The following TRANK1 variants were observed in gnomAD, a reference collection of about 807,000 sequenced individuals.
TRANK1 encodes the protein TPR and ankyrin repeat-containing protein 1.
In TRANK1, 198 loss-of-function variants were observed where a neutral mutation model predicts 266.0. The ratio of observed to expected loss-of-function variants is 0.74; its 90% CI spans 0.66 to 0.84. The LOEUF (loss-of-function observed/expected upper bound fraction) is 0.84. Ranked by LOEUF, TRANK1 falls within the 40% of genes least tolerant of loss-of-function variation. The probability of loss-of-function intolerance (pLI) is 0.00; values close to 1 mark genes in which losing one functional copy is unlikely to be tolerated. For missense variants in TRANK1, 3,326 were observed against 3,634.6 expected, an observed-to-expected ratio of 0.92 and a Z score of 2.18; for synonymous variants, 1,396 against 1,384.1, an observed-to-expected ratio of 1.01 and a Z score of -0.19.
intron 10 of TRANK1, among the ~76,000 whole-genome samples, chr3:36,861,852 C>T (rs902364613): frequency 1.3e-5 from 2 of 151,766 alleles, no homozygotes; most frequent in African/African-American, 2.4e-5. Context: ...ACTACAGGCG[C>T]CCGCCACAAC....
At chr3:36,883,567 A>T (rs939114173) in intron 8 of TRANK1, among the ~76,000 whole-genome samples, 4 of 151,842 alleles carry the variant, frequency 2.6e-5, no homozygotes, top group Admixed American at 6.6e-5. Flanking sequence ...AGAAAATAGC[A>T]TGTGTGTGTT....
intron 1 of TRANK1, among the ~76,000 whole-genome samples, chr3:36,923,067 C>T (rs1476703317): frequency 6.6e-6 from 1 of 152,142 alleles, no homozygotes; most frequent in Non-Finnish European, 1.5e-5. Context: ...CTCACTGCAA[C>T]CTTAGTGTTT....
At chr3:36,884,827 T>C (rs947541864) in intron 8 of TRANK1, among the ~76,000 whole-genome samples, 1 of 150,738 alleles carries the variant, frequency 6.6e-6, no homozygotes, top group Admixed American at 6.6e-5. Flanking sequence ...CAGCTACTCA[T>C]GAGGCTGAGG....
At chr3:36,933,157 C>T (rs1232639995) in intron 1 of TRANK1, among the ~76,000 whole-genome samples, 3 of 152,174 alleles carry the variant, frequency 2.0e-5, no homozygotes, top group Non-Finnish European at 4.4e-5. Flanking sequence ...CTTCCCCTTT[C>T]CCCTCTCTCC....
intron 8 of TRANK1, chr3:36,880,299 T>A: frequency 2.5e-6 from 1 of 400,818 alleles, no homozygotes; most frequent in Non-Finnish European, 5.3e-6. Context: ...ATTTGAGTCT[T>A]TCCACCTCAT....
chr3:36,911,016 G>T (rs978716362), intron 1 of TRANK1, among the ~76,000 whole-genome samples: 4 of 152,012 alleles, frequency 2.6e-5, no homozygotes, highest in Non-Finnish European at 5.9e-5. Flanking sequence ...GTTGCAGTGA[G>T]CCAAGATCAC....
chr3:36,927,908 C>T (rs1045657738), intron 1 of TRANK1, among the ~76,000 whole-genome samples: 5 of 152,174 alleles, frequency 3.3e-5, no homozygotes, highest in Non-Finnish European at 7.3e-5. Context: ...GAGAATCATG[C>T]TGTCTTTCTA....
chr3:36,845,597 T>C (rs1357619028), intron 17 of TRANK1, among the ~76,000 whole-genome samples: 1 of 152,260 alleles, frequency 6.6e-6, no homozygotes, highest in African/African-American at 2.4e-5. Flanking sequence ...ATTTGCATAA[T>C]ATAAAGTTAC....
intron 2 of TRANK1, among the ~76,000 whole-genome samples, chr3:36,907,290 AC>A (rs1486848796): frequency 6.6e-6 from 1 of 152,266 alleles, no homozygotes; most frequent in South Asian, 2.1e-4. Flanking sequence ...AGCTGGGATT[AC>A]AGGCGTGCGC....
rs1553626393 is a variant in TRANK1, at chr3:36,892,862, T to TATATATAG, written c.636+38_636+39insCTATATAT. On this transcript the variant is annotated intron_variant, in intron 6 of 23. Transcript: ENST00000645898. The stretch of plus-strand genomic sequence containing the variant: ...CAAAACAAAACAAAACATATATATA[T>TATATATAG]ATATATATAGATATATATAGATATA... 2.8e-3 allele frequency: 2,062 copies of TATATATAG among 739,950 alleles called. 40 individuals carry two copies. In the African/African-American group the frequency reaches 0.038, roughly 13 times the overall value. 45.8% of individuals were successfully genotyped at this position (739,950 alleles called of 1,614,324 possible).
Position 36,856,854 on chromosome 3 carries a change from C to T in TRANK1, c.2868G>A (p.Lys956=). ...LDHCKLADSI[K]AICNAYNRGL... ...CCCGGTTGTAGGCATTGCAGATGGC[C>T]TTGATGGAATCAGCCAGTTTGCAGT... Residue 956 remains lysine (K), a synonymous_variant, in exon 13 of 24, where the codon AAG becomes AAA. Transcript: ENST00000645898. 6.2e-7 allele frequency: 1 copy of T among 1,614,054 alleles called. No individual in the cohort carries two copies. Among genetic ancestry groups the T allele is most frequent in the African/African-American group, 1.3e-5 (1 of 75,070 alleles).
In TRANK1 at chr3:36,901,569, C is replaced by T. The variant is rs541316221; in HGVS notation, c.282+1580G>A. On this transcript the variant is annotated intron_variant, in intron 3 of 23. Transcript: ENST00000645898. ...CTCTCTTCTAGAAAGATTCCTTTGACACATAAAAGTGAACATCAAATGAAA... is the reference window on the plus strand; with the variant it reads ...CTCTCTTCTAGAAAGATTCCTTTGATACATAAAAGTGAACATCAAATGAAA... Among the ~76,000 whole-genome samples the T allele has an allele frequency of 2.3e-4, 35 of 152,220 alleles. 1 individual carries two copies. Among genetic ancestry groups the T allele is most frequent in the Non-Finnish European group, 4.0e-4 (27 of 68,042 alleles).
intron 3 of TRANK1, among the ~76,000 whole-genome samples, chr3:36,901,620 T>C (rs2079883997): frequency 6.6e-6 from 1 of 152,252 alleles, no homozygotes; most frequent in South Asian, 2.1e-4. Flanking sequence ...CTCGTTAATC[T>C]GTCTCTTGTC....
At chr3:36,913,842 C>T (rs1450785425) in intron 1 of TRANK1, among the ~76,000 whole-genome samples, 5 of 151,798 alleles carry the variant, frequency 3.3e-5, no homozygotes, top group Non-Finnish European at 7.4e-5. Flanking sequence ...CCATCCTGCC[C>T]CCGACCAAAG....
intron 3 of TRANK1, among the ~76,000 whole-genome samples, chr3:36,900,851 C>CAAAAAAAAAAAAAAAAAA (rs138198488): frequency 0.017 from 1,078 of 62,798 alleles, 174 homozygotes; most frequent in Non-Finnish European, 0.024. Flanking sequence ...GACCCTGTCT[C>CAAAAAAAAAAAAAAAAAA]AAAAAAAAAA....
Position 36,828,264 on chromosome 3 carries a change from C to G in TRANK1, c.*11G>C, listed in dbSNP as rs201807911. 9 of 1,596,276 alleles carry G rather than the reference C, an allele frequency of 5.6e-6. No individual in the cohort carries two copies. The highest frequency in any genetic ancestry group is 4.0e-5 in the African/African-American group (3 of 74,668). ...GTTCCGAAGGATGAGGAGGCTGCAG[C>G]TGTGTGGACATTAGTATTTTCTCTG... On this transcript the variant is annotated 3_prime_UTR_variant, in exon 24 of 24. Coordinates refer to ENST00000645898, the MANE Select transcript of TRANK1 (RefSeq NM_001329998.2).
chr3:36,875,410 GA>G (rs1230630344), intron 8 of TRANK1, among the ~76,000 whole-genome samples: 2 of 152,216 alleles, frequency 1.3e-5, no homozygotes, highest in Non-Finnish European at 2.9e-5. Context: ...AACCGGCAGA[GA>G]AACTGGGATC....
intron 23 of TRANK1, 86 bp downstream of exon 23, chr3:36,829,478 C>G: frequency 7.4e-7 from 1 of 1,343,226 alleles, no homozygotes. Flanking sequence ...CTGGGCTGCC[C>G]CACTTCAGAT....
Position 36,857,137 on chromosome 3 carries a change from G to A in TRANK1, c.2585C>T (p.Ala862Val), listed in dbSNP as rs1454793705. ...CTCGCCATTTCCCAGCTGCTGAATG[G>A]CAAGGATGATTTTCTTCTTGATGAC... ...TKVIKKKIIL[A>V]IQQLGNGEWT... Residue 862 changes from alanine (A) to valine (V), a missense_variant, in exon 13 of 24, where the codon GCC becomes GTC. Ala to Val is a moderately conservative substitution (Grantham distance 64). Transcript: ENST00000645898. This position sits in a 1 kb window ranked among gnomAD's most constrained non-coding sequence, Gnocchi z 4.3. 2 of 1,613,826 alleles carry A rather than the reference G, an allele frequency of 1.2e-6. No homozygotes were observed. The highest frequency in any genetic ancestry group is 1.7e-6 in the Non-Finnish European group (2 of 1,179,910).
Sources: gnomAD v4.1 joint callset for allele counts (sites outside exome capture counted in the v4.1 genomes callset) on GRCh38, gnomAD v4.1.1 for gene constraint, Gnocchi (gnomAD v3.1) non-coding constraint, MANE v1.5 for transcripts, NCBI Gene and HGNC (gene_info 2026-07-23, HGNC 2026-07-21) for gene names.